The following RMST variants were observed in gnomAD, a reference collection of about 807,000 sequenced individuals.
RMST encodes long intergenic non-protein coding RNA 54.
At chr12:97,558,591 GT>G (rs879610984) in intron 11 of RMST, among the ~76,000 whole-genome samples, 2 of 151,724 alleles carry the variant, frequency 1.3e-5, no homozygotes, top group East Asian at 1.9e-4. Flanking sequence ...ATACAGCTGA[GT>G]TTTTTTTTCT....
chr12:97,471,135 A>C (rs886390687), intron 5 of RMST, among the ~76,000 whole-genome samples: 2 of 152,158 alleles, frequency 1.3e-5, no homozygotes, highest in African/African-American at 4.8e-5. Context: ...ATTTAAAAAA[A>C]TCAAGTACTA....
rs139278252 is a variant in RMST at position 97,538,257 on chromosome 12, A to G, written n.1545+7398A>G. ...GCCTTCAGGTTGTTTTGAATCTTTA[A>G]TCATTTAAAAATGGATAGCAAAACA... On this transcript the variant is annotated intron_variant and non_coding_transcript_variant, in intron 11 of 13. Coordinates refer to ENST00000640149, the Ensembl canonical transcript of RMST. 2.2e-3 allele frequency among the ~76,000 whole-genome samples: 338 copies of G among 151,544 alleles called. 2 individuals are homozygous for G. Among genetic ancestry groups the G allele is most frequent in the African/African-American group, 7.9e-3 (326 of 41,488 alleles).
At chr12:97,513,969 A>C (rs546299524) in intron 10 of RMST, among the ~76,000 whole-genome samples, 4 of 152,332 alleles carry the variant, frequency 2.6e-5, no homozygotes, top group Admixed American at 6.5e-5. Context: ...GACTGGAAGC[A>C]AACAGTGGCA....
intron 5 of RMST, among the ~76,000 whole-genome samples, chr12:97,469,881 G>T (rs1873688453): frequency 6.6e-6 from 1 of 152,056 alleles, no homozygotes; most frequent in South Asian, 2.1e-4. Context: ...ATTCCCCAGA[G>T]CCAATAGGAT....
At position 97,524,083 on chromosome 12, in the gene RMST, A is replaced by G. The variant is rs1305972863; in HGVS notation, n.1341-6572A>G. ...AGAGTGAGACTCTGTCTCAAAAAAA[A>G]AAAAAAAAAAAAAAAAAAAATCACA... On this transcript the variant is annotated intron_variant and non_coding_transcript_variant, in intron 10 of 13. Transcript: ENST00000640149. Among the ~76,000 whole-genome samples, 71 of 140,662 alleles carry G rather than the reference A, an allele frequency of 5.0e-4. 5 individuals carry two copies. Among genetic ancestry groups the G allele is most frequent in the Admixed American group, 1.1e-3 (16 of 14,320 alleles). 92.3% of individuals were successfully genotyped at this position (140,662 alleles called of 152,430 possible).
At chr12:97,481,554 A>G (rs12579455) in intron 5 of RMST, among the ~76,000 whole-genome samples, 71,474 of 151,894 alleles carry the variant, frequency 0.47, 17,527 homozygotes, top group Middle Eastern at 0.61. Context: ...GAGAAATAGC[A>G]TGCTGAGCTT....
intron 11 of RMST, among the ~76,000 whole-genome samples, chr12:97,543,789 C>T (rs760774527): frequency 3.3e-5 from 5 of 151,948 alleles, no homozygotes; most frequent in African/African-American, 7.3e-5. Context: ...TTCAAACTCA[C>T]CGGTATGATC....
intron 10 of RMST, among the ~76,000 whole-genome samples, chr12:97,505,882 G>A (rs922727280): frequency 6.6e-6 from 1 of 152,140 alleles, no homozygotes; most frequent in African/African-American, 2.4e-5. Flanking sequence ...AGAAAGTATG[G>A]TTAGATCTTA....
intron 11 of RMST, among the ~76,000 whole-genome samples, chr12:97,536,454 T>A (rs1489640743): frequency 1.3e-5 from 2 of 151,568 alleles, no homozygotes; most frequent in African/African-American, 4.8e-5. Context: ...TTCATCAACC[T>A]TCTCATTGTT....
chr12:97,475,184 TTC>T (rs1874396240), intron 5 of RMST, among the ~76,000 whole-genome samples: 1 of 152,170 alleles, frequency 6.6e-6, no homozygotes, highest in Non-Finnish European at 1.5e-5. Context: ...ATGTTTACTT[TTC>T]TAGGCTACAT....
intron 5 of RMST, among the ~76,000 whole-genome samples, chr12:97,469,596 C>T (rs1169788284): frequency 6.6e-6 from 1 of 151,984 alleles, no homozygotes; most frequent in Non-Finnish European, 1.5e-5. Flanking sequence ...ACTGAGGTTT[C>T]GAGAAGTTAA....
At position 97,554,309 on chromosome 12, in the gene RMST, ATTG is replaced by A. The variant is rs1406170357; in HGVS notation, n.1546-6225_1546-6223del. On this transcript the variant is annotated intron_variant and non_coding_transcript_variant, in intron 11 of 13. Coordinates refer to ENST00000640149, the Ensembl canonical transcript of RMST. ...TTTTAATAGTAATAATACTTCTGGG[ATTG>A]TTATTATTATCATTATTAATCGTAT... 2.6e-5 allele frequency among the ~76,000 whole-genome samples: 4 copies of A among 152,230 alleles called. No homozygotes were observed. In the East Asian group the frequency reaches 7.7e-4, roughly 29 times the overall value.
chr12:97,470,517 C>T (rs942173844), intron 5 of RMST, among the ~76,000 whole-genome samples: 26 of 151,818 alleles, frequency 1.7e-4, no homozygotes, highest in Admixed American at 1.6e-3. Flanking sequence ...AAATCATAAC[C>T]TAAGGCCTTT....
At chr12:97,546,877 G>A (rs767943167) in intron 11 of RMST, among the ~76,000 whole-genome samples, 22 of 151,896 alleles carry the variant, frequency 1.4e-4, no homozygotes, top group African/African-American at 2.2e-4. Flanking sequence ...TCACCATATT[G>A]TACAGTAGGT....
chr12:97,502,517 A>G (rs1056942966), intron 10 of RMST, among the ~76,000 whole-genome samples: 3 of 152,174 alleles, frequency 2.0e-5, no homozygotes, highest in African/African-American at 4.8e-5. Flanking sequence ...CTGCAGTACA[A>G]TGGTGCAATC....
intron 5 of RMST, among the ~76,000 whole-genome samples, chr12:97,477,098 A>G (rs1050863113): frequency 5.3e-5 from 8 of 152,168 alleles, no homozygotes; most frequent in African/African-American, 1.9e-4. Flanking sequence ...GAATGGTTAG[A>G]TGATGAGGGT....
intron 11 of RMST, among the ~76,000 whole-genome samples, chr12:97,537,661 C>T (rs1028147452): frequency 1.3e-5 from 2 of 151,344 alleles, no homozygotes; most frequent in South Asian, 2.1e-4. Context: ...TGTCTGGAAG[C>T]GCATATGCTA....
At chr12:97,498,843 G>A (rs1247241937) in intron 10 of RMST, among the ~76,000 whole-genome samples, 1 of 152,170 alleles carries the variant, frequency 6.6e-6, no homozygotes, top group Non-Finnish European at 1.5e-5. Context: ...AACATTTGAG[G>A]TGCTGCCCCT....
At chr12:97,514,594 T>G (rs1716044896) in intron 10 of RMST, among the ~76,000 whole-genome samples, 2 of 152,214 alleles carry the variant, frequency 1.3e-5, no homozygotes, top group African/African-American at 4.8e-5. Flanking sequence ...TAGTTCATTC[T>G]GAACTGTTGA....
Sources: gnomAD v4.1 joint callset for allele counts (sites outside exome capture counted in the v4.1 genomes callset) on GRCh38, gnomAD v4.1.1 for gene constraint, MANE v1.5 for transcripts, NCBI Gene and HGNC (gene_info 2026-07-23, HGNC 2026-07-21) for gene names.